ZDHHC2: variants seen among roughly 807,000 people sequenced by gnomAD.
ZDHHC2 encodes the protein zDHHC palmitoyltransferase 2, also known as palmitoyltransferase ZDHHC2.
ZDHHC2 carries 51 observed loss-of-function variants against 55.6 expected under a neutral mutation model. The observed-to-expected ratio is 0.92, with a 90% CI of 0.73 to 1.16. The LOEUF (loss-of-function observed/expected upper bound fraction) is 1.16. Ranked by LOEUF, ZDHHC2 falls within the 50% of genes most tolerant of loss-of-function variation. ZDHHC2 has a pLI of 0.00. For missense variants in ZDHHC2, 491 were observed against 442.4 expected (o/e 1.11, Z -0.99); for synonymous variants, 199 against 152.9 (o/e 1.30, Z -2.22).
At chr8:17,193,142 A>T (rs1251992318) in intron 3 of ZDHHC2, among the ~76,000 whole-genome samples, 2 of 152,160 alleles carry the variant, frequency 1.3e-5, no homozygotes, top group African/African-American at 4.8e-5. Flanking sequence ...AGTTTTGGCT[A>T]TTCTGGGTCT....
At chr8:17,192,064 G>A (rs1806060784) in intron 3 of ZDHHC2, among the ~76,000 whole-genome samples, 1 of 152,244 alleles carries the variant, frequency 6.6e-6, no homozygotes, top group African/African-American at 2.4e-5. Context: ...GCTCACTGCA[G>A]CTTTGACTTC....
At chr8:17,182,985 C>G (rs562841819) in intron 1 of ZDHHC2, among the ~76,000 whole-genome samples, 4 of 152,202 alleles carry the variant, frequency 2.6e-5, no homozygotes, top group Admixed American at 6.5e-5. Flanking sequence ...TGGTCTTGAA[C>G]TCTTGACCTC....
Position 17,203,313 on chromosome 8 carries a change from C to G in ZDHHC2, c.477-2342C>G, listed in dbSNP as rs758605160. On this transcript the variant is annotated intron_variant, in intron 6 of 12. Coordinates refer to ENST00000262096, the MANE Select transcript of ZDHHC2 (RefSeq NM_016353.5). ...CCAGGCTGGAGTGCAGTGGTGCAAT[C>G]TCAGCCTCCTGGGTTCAAGTGCTTC... Among the ~76,000 whole-genome samples, 13 of 152,198 alleles carry G rather than the reference C, an allele frequency of 8.5e-5. No individual in the cohort carries two copies. The Middle Eastern group carries it at 0.017, about 199-fold the overall frequency.
chr8:17,184,858 T>A, intron 2 of ZDHHC2, 43 bp downstream of exon 2: 1 of 1,479,326 alleles, frequency 6.8e-7, no homozygotes, highest in Admixed American at 2.4e-5. Flanking sequence ...TTAAATAGTT[T>A]GAAAAAAAAT....
Position 17,156,502 on chromosome 8 carries a change from C to T in ZDHHC2, c.-222C>T, listed in dbSNP as rs1804049942. 1 of 173,074 alleles carries T rather than the reference C, an allele frequency of 5.8e-6. No homozygotes were observed. The highest frequency in any genetic ancestry group is 1.1e-5 in the Non-Finnish European group (1 of 87,580). 10.7% of individuals were successfully genotyped at this position (173,074 alleles called of 1,614,324 possible). Reference sequence around the variant, plus strand: ...CCTCCGCCTCCTCGGCCTCCGCTCGCAGCCGCCGCCTCCGCCTCCGCCGGG... The same window carrying T: ...CCTCCGCCTCCTCGGCCTCCGCTCGTAGCCGCCGCCTCCGCCTCCGCCGGG... On this transcript the variant is annotated 5_prime_UTR_variant, in exon 1 of 13. Transcript: ENST00000262096.
rs1345675912 is a variant in ZDHHC2, at chr8:17,210,457, A to G, written c.927A>G (p.Ala309=). ...NQDPEQASTP[A]GLNSTAKNLE... is the part of the protein sequence containing the mutation. ...ATCCTGAACAAGCATCTACTCCTGC[A>G]GGGCTGAATTCCACAGCTAAAAAGT... Residue 309 remains alanine, a synonymous_variant, in exon 10 of 13, where the codon GCA becomes GCG. Coordinates refer to ENST00000262096, the MANE Select transcript of ZDHHC2 (RefSeq NM_016353.5). 6.2e-7 allele frequency: 1 copy of G among 1,611,780 alleles called. No homozygotes were observed. The highest frequency in any genetic ancestry group is 8.5e-7 in the Non-Finnish European group (1 of 1,178,964).
chr8:17,198,367 G>A lies in ZDHHC2; in HGVS notation c.444-14G>A, dbSNP rs1431717351. 1.3e-6 allele frequency: 2 copies of A among 1,599,112 alleles called. No homozygotes were observed. The highest frequency in any genetic ancestry group is 3.5e-5 in the Admixed American group (2 of 57,910). ...CATGGGGTATTAGGTTTTGTGTTCT[G>A]CTTTGTTTTTTAGATGTATTTTGAA... is the stretch of plus-strand genomic sequence containing the variant. On this transcript the variant is annotated splice_polypyrimidine_tract_variant and intron_variant, in intron 5 of 12. Coordinates refer to ENST00000262096, the MANE Select transcript of ZDHHC2 (RefSeq NM_016353.5).
Position 17,208,110 on chromosome 8 carries a change from G to A in ZDHHC2, c.730+18G>A. On this transcript the variant is annotated intron_variant, in intron 8 of 12. Coordinates refer to ENST00000262096, the MANE Select transcript of ZDHHC2 (RefSeq NM_016353.5). ...TACATTAGGTGAGTATCCAATTATT[G>A]TAGTTGACAGAACTTTAAATACGTA... The A allele has an allele frequency of 6.5e-7, 1 of 1,534,498 alleles. No homozygotes were observed. Among genetic ancestry groups the A allele is most frequent in the Admixed American group, 2.0e-5 (1 of 49,334 alleles).
Position 17,199,553 on chromosome 8 carries a change from G to A in ZDHHC2, c.476+1140G>A, listed in dbSNP as rs1309319490. On this transcript the variant is annotated intron_variant, in intron 6 of 12. Transcript: ENST00000262096. Reference sequence around the variant, plus strand: ...TCTTCTGTCTTCGTCTTCTGTCTTCGTCTTCGTCTTCTTCGTCTTTGTCTT... The same window carrying A: ...TCTTCTGTCTTCGTCTTCTGTCTTCATCTTCGTCTTCTTCGTCTTTGTCTT... Among the ~76,000 whole-genome samples, 10 of 86,764 alleles carry A rather than the reference G, an allele frequency of 1.2e-4. 1 individual carries two copies. The highest frequency in any genetic ancestry group is 1.6e-4 in the African/African-American group (5 of 30,854). 56.9% of individuals were successfully genotyped at this position (86,764 alleles called of 152,430 possible). A position where few individuals can be genotyped will look rare whatever the true frequency, so the allele number is the denominator to read the frequency against.
At chr8:17,211,383 T>C (rs2150946058) in intron 10 of ZDHHC2, among the ~76,000 whole-genome samples, 1 of 152,290 alleles carries the variant, frequency 6.6e-6, no homozygotes, top group Non-Finnish European at 1.5e-5. Context: ...TTCTTACTGA[T>C]CACAGGACTT....
intron 10 of ZDHHC2, 113 bp downstream of exon 10, chr8:17,210,593 A>G (rs1354699581): frequency 1.2e-6 from 1 of 817,692 alleles, no homozygotes; most frequent in Admixed American, 3.1e-5. Context: ...AATTTACTGC[A>G]ATGGTTTCCA....
intron 12 of ZDHHC2, among the ~76,000 whole-genome samples, chr8:17,217,699 C>T (rs1172580571): frequency 6.6e-6 from 1 of 152,156 alleles, no homozygotes; most frequent in Admixed American, 6.5e-5. Flanking sequence ...CATTAGCACA[C>T]TGTCATTCCC....
At chr8:17,174,960 C>A (rs1011793543) in intron 1 of ZDHHC2, among the ~76,000 whole-genome samples, 1 of 152,030 alleles carries the variant, frequency 6.6e-6, no homozygotes, top group Non-Finnish European at 1.5e-5. Flanking sequence ...CTCCTGGGCT[C>A]AAGCGATCCA....
At chr8:17,195,737 G>C in intron 4 of ZDHHC2, 113 bp downstream of exon 4, 2 of 1,404,038 alleles carry the variant, frequency 1.4e-6, no homozygotes, top group Non-Finnish European at 2.0e-6. Context: ...TCAGAATGCT[G>C]TGTTATTTCT....
At chr8:17,156,937 TCGCCCCCCGGATG>T in intron 1 of ZDHHC2, 84 bp downstream of exon 1, 3 of 1,301,070 alleles carry the variant, frequency 2.3e-6, no homozygotes, top group Non-Finnish European at 3.0e-6. Context: ...TCCTCCGCTC[TCGCCCCCCGGATG>T]CGCCCCGGGC....
At chr8:17,164,576 G>T (rs755106919) in intron 1 of ZDHHC2, among the ~76,000 whole-genome samples, 2 of 150,792 alleles carry the variant, frequency 1.3e-5, no homozygotes, top group Non-Finnish European at 1.5e-5. Flanking sequence ...GAGTTCATCA[G>T]CAAAATATAC....
intron 8 of ZDHHC2, 84 bp downstream of exon 8, chr8:17,208,176 A>G (rs951276768): frequency 1.6e-5 from 22 of 1,365,538 alleles, no homozygotes; most frequent in South Asian, 1.7e-5. Context: ...TTAAATGCCA[A>G]CTTGCCCTGA....
At chr8:17,193,096 T>C (rs1276278022) in intron 3 of ZDHHC2, among the ~76,000 whole-genome samples, 2 of 152,236 alleles carry the variant, frequency 1.3e-5, no homozygotes. Context: ...AGTCAGGTAA[T>C]GTGAGTCTTC....
intron 4 of ZDHHC2, among the ~76,000 whole-genome samples, chr8:17,197,238 A>G (rs1226262411): frequency 2.6e-5 from 4 of 152,194 alleles, no homozygotes; most frequent in African/African-American, 7.2e-5. Context: ...ATAACAGGGT[A>G]CAAGAAATAA....
Sources: gnomAD v4.1 joint callset for allele counts (sites outside exome capture counted in the v4.1 genomes callset) on GRCh38, gnomAD v4.1.1 for gene constraint, MANE v1.5 for transcripts, NCBI Gene and HGNC (gene_info 2026-07-23, HGNC 2026-07-21) for gene names.